The following MEF2C variants were observed in gnomAD, a reference collection of about 807,000 sequenced individuals.
MEF2C encodes the protein myocyte-specific enhancer factor 2C.
MEF2C carries 6 observed loss-of-function variants against 50.5 expected under a neutral mutation model. The observed-to-expected ratio is 0.12, with a 90% CI of 0.07 to 0.23. The LOEUF is 0.23. MEF2C is among the 10% of genes least tolerant of loss of function. The probability of loss-of-function intolerance (pLI) is 1.00; values close to 1 mark genes in which losing one functional copy is unlikely to be tolerated. For missense variants in MEF2C, 276 were observed against 605.0 expected (o/e 0.46, Z 5.70); for synonymous variants, 183 against 228.0 (o/e 0.80, Z 1.78).
intron 1 of MEF2C, among the ~76,000 whole-genome samples, chr5:88,829,396 CGCA>C (rs1812159718): frequency 6.6e-6 from 1 of 151,946 alleles, no homozygotes; most frequent in African/African-American, 2.4e-5. Context: ...TTGCAGCACT[CGCA>C]GCAATTGAAA....
chr5:88,884,607 C>T (rs1833847523), upstream of MEF2C: 1 of 148,414 alleles, frequency 6.7e-6, no homozygotes, highest in African/African-American at 2.5e-5. Context: ...ATCTTTTCCA[C>T]ACCTTACTGG....
At chr5:88,735,188 G>A (rs781691935) in intron 6 of MEF2C, 138 of 985,236 alleles carry the variant, frequency 1.4e-4, no homozygotes, top group Non-Finnish European at 1.6e-4. Flanking sequence ...CTGGGAAACC[G>A]CAGCCTCCTC....
intron 3 of MEF2C, among the ~76,000 whole-genome samples, chr5:88,797,319 T>C (rs1796394033): frequency 6.6e-6 from 1 of 152,134 alleles, no homozygotes; most frequent in African/African-American, 2.4e-5. Flanking sequence ...CTGTATTGGG[T>C]GCCTATATAT....
At chr5:88,726,240 T>C (rs1276483881) in intron 10 of MEF2C, among the ~76,000 whole-genome samples, 1 of 152,156 alleles carries the variant, frequency 6.6e-6, no homozygotes, top group African/African-American at 2.4e-5. Flanking sequence ...TATTCCACTC[T>C]GCTATGAACA....
chr5:88,748,171 T>C (rs1770836559), intron 6 of MEF2C: 5 of 983,328 alleles, frequency 5.1e-6, no homozygotes, highest in African/African-American at 1.7e-5. Flanking sequence ...ATTTTCTTTA[T>C]CTTCTTTCTT....
chr5:88,811,851 G>A (rs977005767), intron 2 of MEF2C, among the ~76,000 whole-genome samples: 1 of 152,040 alleles, frequency 6.6e-6, no homozygotes, highest in African/African-American at 2.4e-5. Flanking sequence ...GTACAATGTA[G>A]AAAGAAAAAC....
At chr5:88,727,086 T>C (rs1581289405) in intron 10 of MEF2C, among the ~76,000 whole-genome samples, 1 of 152,286 alleles carries the variant, frequency 6.6e-6, no homozygotes, top group Non-Finnish European at 1.5e-5. Context: ...AAAATATGTA[T>C]ACATGTACAT....
chr5:88,863,853 G>A lies in MEF2C; in HGVS notation c.-143+19102C>T, dbSNP rs1344931604. Among the ~76,000 whole-genome samples the A allele has an allele frequency of 2.1e-5, 3 of 145,790 alleles. No individual in the cohort carries two copies. In the Admixed American group the frequency reaches 2.1e-4, roughly 10 times the overall value. On this transcript the variant is annotated intron_variant, in intron 1 of 10. Transcript: ENST00000504921. ...TTTTTTTTTTTTGAGAGAGAGCCTC[G>A]CTCTGTCTCTCAGGTTGGAGTGCAA...
chr5:88,740,631 T>C, intron 6 of MEF2C: 10 of 984,750 alleles, frequency 1.0e-5, no homozygotes, highest in Non-Finnish European at 1.1e-5. Context: ...CATGCATCCT[T>C]GTATTTGCAA....
At chr5:88,824,807 A>T (rs1810097304) in intron 1 of MEF2C, 1 of 151,990 alleles carries the variant, frequency 6.6e-6, no homozygotes, top group Non-Finnish European at 1.5e-5. Context: ...CTGGGTCAGG[A>T]ATTAAAATTA....
At chr5:88,846,115 T>A (rs561418356) in intron 1 of MEF2C, among the ~76,000 whole-genome samples, 1 of 150,988 alleles carries the variant, frequency 6.6e-6, no homozygotes, top group East Asian at 2.0e-4. Flanking sequence ...TTGCCCAGGC[T>A]GGAGTGCGGT....
chr5:88,744,875 AT>A (rs1229544452), intron 6 of MEF2C, among the ~76,000 whole-genome samples: 3 of 152,296 alleles, frequency 2.0e-5, no homozygotes, highest in African/African-American at 7.2e-5. Flanking sequence ...ATTTACTACT[AT>A]ATGTCAGCTC....
chr5:88,718,581 T>A lies in MEF2C; in HGVS notation c.*4023A>T, dbSNP rs1755268811. 2 of 152,150 alleles carry A rather than the reference T, an allele frequency of 1.3e-5. No individual in the cohort carries two copies. 9.4% of individuals were successfully genotyped at this position (152,150 alleles called of 1,614,324 possible). A position where few individuals can be genotyped will look rare whatever the true frequency, so the allele number is the denominator to read the frequency against. On this transcript the variant is annotated 3_prime_UTR_variant, in exon 11 of 11. Coordinates refer to ENST00000504921, the MANE Select transcript of MEF2C (RefSeq NM_002397.5). ...TGATACAGCAAACCATCTGAAGCAA[T>A]CCAAGTCCTATGCCTACAGTGACCC...
intron 1 of MEF2C, among the ~76,000 whole-genome samples, chr5:88,863,654 G>A (rs971477155): frequency 6.6e-6 from 1 of 151,676 alleles, no homozygotes; most frequent in Non-Finnish European, 1.5e-5. Flanking sequence ...ATCCACTCCC[G>A]CCTCCATTTC....
intron 3 of MEF2C, among the ~76,000 whole-genome samples, chr5:88,796,556 AT>A (rs1223903105): frequency 6.6e-6 from 1 of 151,906 alleles, no homozygotes; most frequent in Non-Finnish European, 1.5e-5. Flanking sequence ...CTAGCAGTCT[AT>A]TTTGTTAATC....
upstream of MEF2C, among the ~76,000 whole-genome samples, chr5:88,885,317 G>A (rs1387904015): frequency 1.3e-5 from 2 of 152,162 alleles, no homozygotes; most frequent in Non-Finnish European, 2.9e-5. Context: ...CTTGAAAGGG[G>A]AAGGTTTATT....
intron 1 of MEF2C, among the ~76,000 whole-genome samples, chr5:88,864,873 C>A (rs759433927): frequency 6.6e-6 from 1 of 151,844 alleles, no homozygotes; most frequent in Non-Finnish European, 1.5e-5. Flanking sequence ...CGGGTTCAAG[C>A]GATTCTGCCT....
intron 4 of MEF2C, among the ~76,000 whole-genome samples, chr5:88,754,469 A>C (rs886721464): frequency 1.2e-4 from 19 of 152,146 alleles, no homozygotes; most frequent in African/African-American, 2.4e-5. Context: ...TACCCTTTAG[A>C]GTTTGCCATC....
At chr5:88,818,754 C>T (rs1259719400) in intron 2 of MEF2C, among the ~76,000 whole-genome samples, 1 of 151,924 alleles carries the variant, frequency 6.6e-6, no homozygotes, top group African/African-American at 2.4e-5. Flanking sequence ...TGTGCTCCTG[C>T]TCTACCTGTT....
Sources: gnomAD v4.1 joint callset for allele counts (sites outside exome capture counted in the v4.1 genomes callset) on GRCh38, gnomAD v4.1.1 for gene constraint, MANE v1.5 for transcripts, NCBI Gene and HGNC (gene_info 2026-07-23, HGNC 2026-07-21) for gene names.